The following GRID2 variants were observed in gnomAD, a reference collection of about 807,000 sequenced individuals.
GRID2 encodes glutamate receptor ionotropic, delta-2.
GRID2 carries 33 observed loss-of-function variants against 114.8 expected under a neutral mutation model. The ratio of observed to expected loss-of-function variants is 0.29; its 90% CI spans 0.22 to 0.38. GRID2 has a LOEUF of 0.38. Among genes scored for constraint, GRID2 ranks in the 10% least tolerant of loss-of-function variants. The probability of loss-of-function intolerance (pLI) is 1.00; values close to 1 mark genes in which losing one functional copy is unlikely to be tolerated. For missense variants in GRID2, 1,184 were observed against 1,257.7 expected, an observed-to-expected ratio of 0.94 and a Z score of 0.89; for synonymous variants, 505 against 449.9, an observed-to-expected ratio of 1.12 and a Z score of -1.55.
At chr4:93,459,865 A>G (rs1160874618) in intron 11 of GRID2, among the ~76,000 whole-genome samples, 1 of 152,174 alleles carries the variant, frequency 6.6e-6, no homozygotes, top group African/African-American at 2.4e-5. Context: ...ATTCAGACTC[A>G]TGTTAGAAAC....
intron 2 of GRID2, among the ~76,000 whole-genome samples, chr4:92,832,104 A>G (rs187832960): frequency 5.8e-4 from 89 of 152,142 alleles, no homozygotes; most frequent in African/African-American, 2.1e-3. Context: ...TTAAGAGAAT[A>G]CAAATATCAA....
At chr4:92,584,238 T>A (rs1728316235) in intron 1 of GRID2, among the ~76,000 whole-genome samples, 1 of 151,978 alleles carries the variant, frequency 6.6e-6, no homozygotes, top group Non-Finnish European at 1.5e-5. Flanking sequence ...TTATTTGCCC[T>A]CCTTTTAAAA....
At chr4:92,959,057 CTTTTTT>C (rs74267681) in intron 2 of GRID2, among the ~76,000 whole-genome samples, 1 of 70,878 alleles carries the variant, frequency 1.4e-5, no homozygotes, top group African/African-American at 5.0e-5. Context: ...GTCCACTCTT[CTTTTTT>C]TTTTTTTTTT....
intron 2 of GRID2, among the ~76,000 whole-genome samples, chr4:92,932,819 A>C (rs746278482): frequency 1.3e-5 from 2 of 151,412 alleles, no homozygotes; most frequent in African/African-American, 4.8e-5. Flanking sequence ...AAAAGTATAT[A>C]TCATATATAT....
intron 1 of GRID2, among the ~76,000 whole-genome samples, chr4:92,468,466 T>C (rs1157094691): frequency 6.6e-6 from 1 of 152,122 alleles, no homozygotes; most frequent in Non-Finnish European, 1.5e-5. Context: ...GCATCCTTAA[T>C]TTGGAGCCAA....
intron 13 of GRID2, among the ~76,000 whole-genome samples, chr4:93,624,809 T>C (rs1426433819): frequency 6.6e-6 from 1 of 152,152 alleles, no homozygotes; most frequent in Non-Finnish European, 1.5e-5. Context: ...ATGTTTAGGA[T>C]AGTAGGTTGG....
chr4:92,437,205 T>G (rs1294712300), intron 1 of GRID2, among the ~76,000 whole-genome samples: 1 of 152,200 alleles, frequency 6.6e-6, no homozygotes, highest in Non-Finnish European at 1.5e-5. Context: ...TGCACTGAAC[T>G]TGGGCTATGA....
chr4:92,616,908 TA>T (rs75906764), intron 2 of GRID2, among the ~76,000 whole-genome samples: 8,398 of 151,592 alleles, frequency 0.055, 299 homozygotes, highest in East Asian at 0.16. Context: ...TTAAGATGCT[TA>T]AACTTGGCCC....
At chr4:92,626,464 C>T (rs1281505024) in intron 2 of GRID2, among the ~76,000 whole-genome samples, 1 of 151,776 alleles carries the variant, frequency 6.6e-6, no homozygotes, top group Non-Finnish European at 1.5e-5. Context: ...CACCAAACAA[C>T]ATAGCGATTA....
At chr4:92,998,287 A>G (rs1047384897) in intron 2 of GRID2, among the ~76,000 whole-genome samples, 2 of 152,074 alleles carry the variant, frequency 1.3e-5, no homozygotes, top group African/African-American at 4.8e-5. Flanking sequence ...GGCTTACAGT[A>G]TTATTTATTT....
At chr4:93,029,885 A>G (rs1724233069) in intron 2 of GRID2, among the ~76,000 whole-genome samples, 1 of 152,194 alleles carries the variant, frequency 6.6e-6, no homozygotes, top group Admixed American at 6.5e-5. Context: ...ATAAAAATAA[A>G]CATGCTTTAT....
intron 6 of GRID2, among the ~76,000 whole-genome samples, chr4:93,221,068 T>A (rs1744816895): frequency 6.6e-6 from 1 of 152,158 alleles, no homozygotes; most frequent in African/African-American, 2.4e-5. Flanking sequence ...GAAGGTAAAT[T>A]CAGTGTGTGT....
intron 1 of GRID2, among the ~76,000 whole-genome samples, chr4:92,343,826 G>C (rs953668963): frequency 6.6e-6 from 1 of 152,188 alleles, no homozygotes; most frequent in African/African-American, 2.4e-5. Flanking sequence ...CACCAGTCTT[G>C]GCCTCCCAAA....
chr4:93,443,747 A>G (rs1316451222), intron 10 of GRID2, among the ~76,000 whole-genome samples: 1 of 151,742 alleles, frequency 6.6e-6, no homozygotes, highest in Non-Finnish European at 1.5e-5. Flanking sequence ...CTTCATATGG[A>G]AAAAAAACCT....
At chr4:92,930,621 A>C (rs886146010) in intron 2 of GRID2, among the ~76,000 whole-genome samples, 13 of 146,918 alleles carry the variant, frequency 8.8e-5, no homozygotes, top group African/African-American at 3.2e-4. Context: ...ATGTGAATAA[A>C]TTTACAACAT....
intron 12 of GRID2, among the ~76,000 whole-genome samples, chr4:93,503,960 C>G (rs1728386733): frequency 6.6e-6 from 1 of 151,942 alleles, no homozygotes. Flanking sequence ...TTATAAAGAG[C>G]CAGGATTTTT....
At chr4:92,384,470 ATATATATATT>A (rs1374841419) in intron 1 of GRID2, among the ~76,000 whole-genome samples, 3 of 52,732 alleles carry the variant, frequency 5.7e-5, no homozygotes, top group East Asian at 6.2e-4. Context: ...ATATATATAT[ATATATATATT>A]ATTTATATAT....
chr4:92,501,818 C>G (rs1723697123), intron 1 of GRID2, among the ~76,000 whole-genome samples: 1 of 152,016 alleles, frequency 6.6e-6, no homozygotes, highest in African/African-American at 2.4e-5. Context: ...ATATTCCAAC[C>G]AAGAAATGAT....
At chr4:93,277,495 G>T (rs936828017) in intron 8 of GRID2, among the ~76,000 whole-genome samples, 6 of 150,412 alleles carry the variant, frequency 4.0e-5, no homozygotes, top group Non-Finnish European at 5.9e-5. Flanking sequence ...ATATCTCTGT[G>T]GTCAGTTAAT....
Sources: allele counts gnomAD v4.1 joint callset (sites outside exome capture counted in the v4.1 genomes callset), GRCh38; gene constraint gnomAD v4.1.1; transcripts MANE v1.5; gene names NCBI Gene and HGNC (gene_info 2026-07-23, HGNC 2026-07-21).